Variants in ACTR3C observed in about 807,000 individuals in gnomAD.
The protein encoded by ACTR3C is actin related protein 3C.
A neutral mutation model predicts 26.3 loss-of-function variants in ACTR3C; 18 were observed. The ratio of observed to expected loss-of-function variants is 0.68; its 90% CI spans 0.47 to 1.01. The LOEUF (loss-of-function observed/expected upper bound fraction) is 1.01, where lower values mean the gene tolerates loss of function less well. Among genes scored for constraint, ACTR3C ranks in the 50% least tolerant of loss-of-function variants. The probability of loss-of-function intolerance (pLI) is 0.00; values close to 1 mark genes in which losing one functional copy is unlikely to be tolerated. For missense variants in ACTR3C, 184 were observed against 250.7 expected, an observed-to-expected ratio of 0.73 and a Z score of 1.80; for synonymous variants, 55 against 94.5, an observed-to-expected ratio of 0.58 and a Z score of 2.42.
the ACTR3C span, among the ~76,000 whole-genome samples, chr7:150,231,903 CTCAAG>C: frequency 3.3e-5 from 5 of 151,838 alleles, no homozygotes; most frequent in African/African-American, 1.2e-4. Flanking sequence ...GATAGTGTTC[CTCAAG>C]TCAACTGTAT....
chr7:150,170,222 A>G, the ACTR3C span, among the ~76,000 whole-genome samples: 1 of 150,378 alleles, frequency 6.6e-6, no homozygotes, highest in Non-Finnish European at 1.5e-5. Context: ...GGGCCCCTCC[A>G]CAGGGCAGCT....
the ACTR3C span, among the ~76,000 whole-genome samples, chr7:149,895,556 G>GGTGGCTC: frequency 6.6e-6 from 1 of 152,174 alleles, no homozygotes; most frequent in Non-Finnish European, 1.5e-5. Flanking sequence ...AGCCAGCTGT[G>GGTGGCTC]GTGGCTCATG....
At chr7:150,119,781 A>T in the ACTR3C span, among the ~76,000 whole-genome samples, 6 of 152,242 alleles carry the variant, frequency 3.9e-5, no homozygotes, top group Admixed American at 1.3e-4. Context: ...CAGAATATAC[A>T]TTCTTCTCAG....
chr7:150,098,473 A>G, the ACTR3C span, among the ~76,000 whole-genome samples: 21 of 151,858 alleles, frequency 1.4e-4, no homozygotes, highest in African/African-American at 5.1e-4. Context: ...ACATGAAGAG[A>G]CTGAAAGCCT....
the ACTR3C span, among the ~76,000 whole-genome samples, chr7:150,206,914 CTT>C: frequency 3.3e-5 from 5 of 152,100 alleles, no homozygotes; most frequent in African/African-American, 1.2e-4. Context: ...TCATGTTGCT[CTT>C]TATGATTTCT....
At chr7:149,904,428 G>A in the ACTR3C span, among the ~76,000 whole-genome samples, 1 of 151,364 alleles carries the variant, frequency 6.6e-6, no homozygotes, top group Non-Finnish European at 1.5e-5. Flanking sequence ...TACTCGGGAG[G>A]CTGAGGGCAG....
chr7:150,113,793 TCAAAC>T, the ACTR3C span, among the ~76,000 whole-genome samples: 9 of 152,234 alleles, frequency 5.9e-5, no homozygotes, highest in Non-Finnish European at 1.3e-4. Context: ...ATGAAACAAT[TCAAAC>T]CAAACCAAAC....
chr7:150,191,033 AG>A, the ACTR3C span, among the ~76,000 whole-genome samples: 8 of 152,224 alleles, frequency 5.3e-5, no homozygotes, highest in Non-Finnish European at 8.8e-5. Context: ...TGGGGATTAC[AG>A]GAACTATAAT....
the ACTR3C span, among the ~76,000 whole-genome samples, chr7:150,064,140 A>T: frequency 6.6e-6 from 1 of 151,888 alleles, no homozygotes; most frequent in African/African-American, 2.4e-5. Flanking sequence ...TCAGTTGCCC[A>T]GGAATGATTA....
the ACTR3C span, among the ~76,000 whole-genome samples, chr7:150,192,918 C>T: frequency 6.6e-6 from 1 of 152,328 alleles, no homozygotes; most frequent in East Asian, 1.9e-4. Flanking sequence ...GTCTTGCACA[C>T]AGACATTTTA....
At chr7:149,959,765 T>C in the ACTR3C span, among the ~76,000 whole-genome samples, 76 of 152,084 alleles carry the variant, frequency 5.0e-4, no homozygotes, top group Middle Eastern at 3.2e-3. Flanking sequence ...TAATAGAAAA[T>C]TTCTGGGATT....
At chr7:149,975,967 A>G in the ACTR3C span, among the ~76,000 whole-genome samples, 68,076 of 152,042 alleles carry the variant, frequency 0.45, 17,049 homozygotes, top group South Asian at 0.56. Flanking sequence ...CACCAAAACC[A>G]AAAGTTGATT....
At chr7:150,260,745 T>C (rs1318919237) in intron 6 of ACTR3C, among the ~76,000 whole-genome samples, 1 of 152,168 alleles carries the variant, frequency 6.6e-6, no homozygotes, top group Non-Finnish European at 1.5e-5. Flanking sequence ...TACGCTGACA[T>C]TGATTTTTAA....
the ACTR3C span, among the ~76,000 whole-genome samples, chr7:150,016,142 T>G: frequency 3.9e-5 from 6 of 152,126 alleles, 1 homozygote; most frequent in African/African-American, 7.3e-5. Flanking sequence ...TCCTGCTCTC[T>G]GCCCCAGCAT....
chr7:150,012,317 C>CTTTGTTTTTTTTT, the ACTR3C span, among the ~76,000 whole-genome samples: 1 of 131,258 alleles, frequency 7.6e-6, no homozygotes, highest in South Asian at 2.5e-4. Context: ...ATAAATGCAT[C>CTTTGTTTTTTTTT]TTTTTTTTTT....
chr7:150,095,576 A>G, the ACTR3C span, among the ~76,000 whole-genome samples: 1 of 149,252 alleles, frequency 6.7e-6, no homozygotes, highest in Non-Finnish European at 1.5e-5. Context: ...AAGAATTTGC[A>G]TCTTGCTTAC....
the ACTR3C span, among the ~76,000 whole-genome samples, chr7:149,950,600 C>A: frequency 6.7e-6 from 1 of 150,240 alleles, no homozygotes; most frequent in Admixed American, 6.6e-5. Context: ...TAGAGGCAAT[C>A]CCACAGAGAC....
chr7:150,319,283 C>T (rs1380600460), intron 1 of ACTR3C, among the ~76,000 whole-genome samples: 1 of 151,802 alleles, frequency 6.6e-6, no homozygotes, highest in African/African-American at 2.4e-5. Flanking sequence ...GCTTGGCTCA[C>T]CACAAGCTCC....
chr7:150,037,070 G>C, the ACTR3C span, among the ~76,000 whole-genome samples: 4 of 112,132 alleles, frequency 3.6e-5, no homozygotes, highest in African/African-American at 1.3e-4. Context: ...CTCGCGGGGG[G>C]TGCCTCCCCC....
Sources: allele counts gnomAD v4.1 joint callset (sites outside exome capture counted in the v4.1 genomes callset), GRCh38; gene constraint gnomAD v4.1.1; transcripts MANE v1.5; gene names NCBI Gene and HGNC (gene_info 2026-07-23, HGNC 2026-07-21).